SLC12A8: variants seen among roughly 807,000 people sequenced by gnomAD.
SLC12A8 encodes the protein solute carrier family 12 member 8, also known as cation-chloride cotransporter 9.
Under a neutral mutation model 75.6 loss-of-function variants are expected in SLC12A8, and 69 were observed. The ratio of observed to expected loss-of-function variants is 0.91; its 90% CI spans 0.75 to 1.11. The LOEUF is 1.11. Ranked by LOEUF, SLC12A8 falls within the 50% of genes most tolerant of loss-of-function variation. The pLI, the probability that SLC12A8 is intolerant of heterozygous loss-of-function variation, is 0.00. For missense variants in SLC12A8, 877 were observed against 896.7 expected (o/e 0.98, Z 0.28); for synonymous variants, 365 against 372.8 (o/e 0.98, Z 0.24).
chr3:125,175,554 T>A (rs1375726393), intron 5 of SLC12A8, among the ~76,000 whole-genome samples: 2 of 152,108 alleles, frequency 1.3e-5, no homozygotes, highest in East Asian at 3.8e-4. Flanking sequence ...CAGGCTAGTG[T>A]GAGGTTTCAA....
intron 6 of SLC12A8, among the ~76,000 whole-genome samples, chr3:125,133,405 C>T (rs1933408690): frequency 6.6e-6 from 1 of 151,736 alleles, no homozygotes; most frequent in Admixed American, 6.6e-5. Context: ...CAGGGTCTCA[C>T]TCTGTCACTC....
chr3:125,141,319 T>C (rs1425692776), intron 5 of SLC12A8, among the ~76,000 whole-genome samples: 1 of 152,208 alleles, frequency 6.6e-6, no homozygotes, highest in East Asian at 1.9e-4. Flanking sequence ...ATGCGGCCAG[T>C]GGGCTGTGGC....
intron 10 of SLC12A8, among the ~76,000 whole-genome samples, chr3:125,099,896 C>G (rs934149427): frequency 1.3e-5 from 2 of 152,108 alleles, no homozygotes; most frequent in Non-Finnish European, 2.9e-5. Context: ...CCATTGCACT[C>G]CAGCCTGGGC....
rs543594274 is a variant in SLC12A8 at position 125,176,346 on chromosome 3, C to G, written c.622+1397G>C. 3.9e-5 allele frequency among the ~76,000 whole-genome samples: 6 copies of G among 152,276 alleles called. No homozygotes were observed. The East Asian group carries it at 1.2e-3, about 29-fold the overall frequency. On this transcript the variant is annotated intron_variant, in intron 5 of 13. Coordinates refer to ENST00000469902, the MANE Select transcript of SLC12A8 (RefSeq NM_024628.6). ...TCGGCCTCCCAAAGGGCTGGGAATA[C>G]AGGCATGAGCCACTGTGCCTGGCCT... is the stretch of plus-strand genomic sequence containing the variant.
chr3:125,091,383 C>T (rs1938574415), intron 12 of SLC12A8, 56 bp downstream of exon 12: 5 of 1,152,394 alleles, frequency 4.3e-6, no homozygotes, highest in South Asian at 2.5e-5. Context: ...CTTTTTTTTC[C>T]CAATGAATGG....
At chr3:125,093,542 C>T (rs2981526) in intron 10 of SLC12A8, among the ~76,000 whole-genome samples, 48,962 of 152,092 alleles carry the variant, frequency 0.32, 8,683 homozygotes, top group Non-Finnish European at 0.4. Context: ...ATGCATCCCT[C>T]AGCTCAGTTA....
intron 2 of SLC12A8, among the ~76,000 whole-genome samples, chr3:125,202,424 T>C (rs896098108): frequency 7.2e-5 from 11 of 152,324 alleles, no homozygotes; most frequent in African/African-American, 2.6e-4. Context: ...CACCACCTAA[T>C]GGCACCTTAT....
intron 13 of SLC12A8, among the ~76,000 whole-genome samples, chr3:125,087,300 C>G (rs1274584684): frequency 6.6e-6 from 1 of 152,096 alleles, no homozygotes; most frequent in Non-Finnish European, 1.5e-5. Context: ...ACTATGTTAG[C>G]CAGGCTGGTC....
chr3:125,117,128 A>C lies in SLC12A8; in HGVS notation c.912+1641T>G, dbSNP rs181525418. Among the ~76,000 whole-genome samples, 263 of 152,342 alleles carry C rather than the reference A, an allele frequency of 1.7e-3. 1 individual carries two copies. The highest frequency in any genetic ancestry group is 3.1e-3 in the Non-Finnish European group (213 of 68,030). The stretch of plus-strand genomic sequence containing the variant: ...CTTGAAAACAAATAATCACCTTTGC[A>C]TGGGTGCCTACAAGCCTTAAAAAGA... On this transcript the variant is annotated intron_variant, in intron 8 of 13. Transcript: ENST00000469902.
intron 2 of SLC12A8, among the ~76,000 whole-genome samples, chr3:125,195,553 G>A (rs924660374): frequency 6.6e-6 from 1 of 151,774 alleles, no homozygotes; most frequent in African/African-American, 2.4e-5. Flanking sequence ...TGGTATGAAA[G>A]CTGGGGTTGA....
chr3:125,114,735 CAAT>C (rs1939266080), intron 8 of SLC12A8, among the ~76,000 whole-genome samples: 1 of 152,240 alleles, frequency 6.6e-6, no homozygotes, highest in South Asian at 2.1e-4. Flanking sequence ...CTAGTCTTAA[CAAT>C]AATACTTTTG....
intron 2 of SLC12A8, among the ~76,000 whole-genome samples, chr3:125,193,855 C>T (rs640403): frequency 2.6e-5 from 4 of 152,126 alleles, no homozygotes; most frequent in African/African-American, 9.7e-5. Context: ...GTTGCTGAAG[C>T]TTAGGCCAGT....
chr3:125,117,989 C>A (rs1189768211), intron 8 of SLC12A8, among the ~76,000 whole-genome samples: 1 of 152,242 alleles, frequency 6.6e-6, no homozygotes, highest in Admixed American at 6.5e-5. Context: ...AGGAGGGCCT[C>A]GGCCCTCACC....
chr3:125,202,950 T>C (rs1049723581), intron 2 of SLC12A8, among the ~76,000 whole-genome samples: 1 of 151,948 alleles, frequency 6.6e-6, no homozygotes, highest in African/African-American at 2.4e-5. Flanking sequence ...TAGCCAAGCG[T>C]GGTGGCAGGC....
At chr3:125,117,800 T>G (rs905231883) in intron 8 of SLC12A8, among the ~76,000 whole-genome samples, 1 of 152,190 alleles carries the variant, frequency 6.6e-6, no homozygotes, top group African/African-American at 2.4e-5. Flanking sequence ...CTTATTCATG[T>G]GGCTTCTAGG....
chr3:125,170,110 C>T (rs544902366), intron 5 of SLC12A8, among the ~76,000 whole-genome samples: 4 of 152,146 alleles, frequency 2.6e-5, no homozygotes, highest in South Asian at 4.1e-4. Context: ...TTTTGCCCAT[C>T]ACATGACAGA....
intron 6 of SLC12A8, chr3:125,126,039 AT>A: frequency 2.4e-6 from 1 of 419,326 alleles, no homozygotes; most frequent in Non-Finnish European, 3.2e-6. Flanking sequence ...ACCCAAAAAC[AT>A]TTTTTCTCCC....
At chr3:125,101,328 G>T (rs1301340323) in intron 10 of SLC12A8, among the ~76,000 whole-genome samples, 1 of 152,228 alleles carries the variant, frequency 6.6e-6, no homozygotes, top group African/African-American at 2.4e-5. Context: ...GATGTGCTCA[G>T]TAAGTGCTGG....
At chr3:125,153,205 G>A (rs528741469) in intron 5 of SLC12A8, among the ~76,000 whole-genome samples, 3 of 152,260 alleles carry the variant, frequency 2.0e-5, no homozygotes, top group South Asian at 2.1e-4. Context: ...AAGTGCAACC[G>A]AGAGCCAACC....
Sources: gnomAD v4.1 joint callset for allele counts (sites outside exome capture counted in the v4.1 genomes callset) on GRCh38, gnomAD v4.1.1 for gene constraint, MANE v1.5 for transcripts, NCBI Gene and HGNC (gene_info 2026-07-23, HGNC 2026-07-21) for gene names.